The following KIF5C variants were observed in gnomAD, a reference collection of about 807,000 sequenced individuals.
KIF5C encodes the protein kinesin family member 5C, also known as kinesin heavy chain isoform 5C.
In KIF5C, 18 loss-of-function variants were observed where a neutral mutation model predicts 125.2. The ratio of observed to expected loss-of-function variants is 0.14; its 90% CI spans 0.10 to 0.21. The LOEUF is 0.21. Among genes scored for constraint, KIF5C ranks in the 10% least tolerant of loss-of-function variants. The probability of loss-of-function intolerance (pLI) is 1.00; values close to 1 mark genes in which losing one functional copy is unlikely to be tolerated. For missense variants in KIF5C, 780 were observed against 1,183.8 expected, an observed-to-expected ratio of 0.66 and a Z score of 5.01; for synonymous variants, 405 against 434.0, an observed-to-expected ratio of 0.93 and a Z score of 0.83.
intron 11 of KIF5C, among the ~76,000 whole-genome samples, chr2:148,965,792 CTA>C (rs1172725794): frequency 6.6e-6 from 1 of 152,168 alleles, no homozygotes; most frequent in African/African-American, 2.4e-5. Flanking sequence ...GGGCCTGACT[CTA>C]AAGTTCATTC....
intron 15 of KIF5C, among the ~76,000 whole-genome samples, chr2:148,986,416 G>C (rs1387388069): frequency 3.3e-5 from 5 of 152,100 alleles, no homozygotes; most frequent in African/African-American, 1.2e-4. Context: ...TAAGGGAGTA[G>C]TTGTATGACT....
At chr2:148,979,755 C>T (rs571011557) in intron 13 of KIF5C, among the ~76,000 whole-genome samples, 8 of 152,248 alleles carry the variant, frequency 5.3e-5, no homozygotes, top group Middle Eastern at 3.4e-3. Context: ...GCAAAGAGAA[C>T]GGGGCCCGAG....
intron 1 of KIF5C, among the ~76,000 whole-genome samples, chr2:148,884,971 G>GA (rs1336372213): frequency 9.6e-6 from 1 of 104,294 alleles, no homozygotes; most frequent in Non-Finnish European, 2.1e-5. Flanking sequence ...TGTCCTAATT[G>GA]TTTTTTTTTT....
At chr2:149,000,851 T>C (rs1681826478) in intron 21 of KIF5C, 69 bp downstream of exon 21, 1 of 1,597,758 alleles carries the variant, frequency 6.3e-7, no homozygotes, top group African/African-American at 1.3e-5. Context: ...TGTCGGATTA[T>C]TTCAAAATTT....
Position 149,026,510 on chromosome 2 carries a change from C to T in KIF5C, c.*3440C>T, listed in dbSNP as rs990642828. 3 of 152,430 alleles carry T rather than the reference C, an allele frequency of 2.0e-5. No individual in the cohort carries two copies. The highest frequency in any genetic ancestry group is 2.0e-4 in the Admixed American group (3 of 15,260). 9.4% of individuals were successfully genotyped at this position (152,430 alleles called of 1,614,324 possible). ...TGGGCTTTATGTATCTGTACAGTAG[C>T]TTTCACATTAAAAAAATTGTGGACA... On this transcript the variant is annotated 3_prime_UTR_variant, in exon 26 of 26. Transcript: ENST00000435030.
rs78366301 is a variant in KIF5C at position 148,968,456 on chromosome 2, C to T, written c.1118-4880C>T. 6.8e-3 allele frequency among the ~76,000 whole-genome samples: 1,039 copies of T among 152,300 alleles called. 17 individuals are homozygous for T. The highest frequency in any genetic ancestry group is 0.065 in the Middle Eastern group (19 of 294). The stretch of plus-strand genomic sequence containing the variant: ...TTAAATCTTCGAAGATGCTGGCTCC[C>T]TTCTTAGATCCATGATTATAATGGA... On this transcript the variant is annotated intron_variant, in intron 11 of 25. Transcript: ENST00000435030.
At chr2:149,022,316 A>T (rs1005733226) in intron 25 of KIF5C, among the ~76,000 whole-genome samples, 1 of 152,186 alleles carries the variant, frequency 6.6e-6, no homozygotes, top group Non-Finnish European at 1.5e-5. Context: ...GACTGTCAGG[A>T]CTAAATACTT....
intron 1 of KIF5C, among the ~76,000 whole-genome samples, chr2:148,899,366 C>T (rs1316475487): frequency 6.6e-6 from 1 of 152,094 alleles, no homozygotes; most frequent in African/African-American, 2.4e-5. Flanking sequence ...TTATTTTATT[C>T]TCTTAAATGA....
rs564371356 is a variant in KIF5C at position 148,964,251 on chromosome 2, G to C, written c.1117+2132G>C. 2.0e-5 allele frequency among the ~76,000 whole-genome samples: 3 copies of C among 150,862 alleles called. No homozygotes were observed. The South Asian group carries it at 6.3e-4, about 32-fold the overall frequency. The stretch of plus-strand genomic sequence containing the variant: ...GAACCCACCATTGTACTCCAGCCTG[G>C]GCAAAAAGAGCAAAACTCCATCTCA... On this transcript the variant is annotated intron_variant, in intron 11 of 25. Transcript: ENST00000435030.
At chr2:148,985,973 A>G (rs967891360) in intron 15 of KIF5C, among the ~76,000 whole-genome samples, 6 of 152,156 alleles carry the variant, frequency 3.9e-5, no homozygotes, top group Admixed American at 6.5e-5. Context: ...TTAAGCTTCA[A>G]TTTGGTGATT....
At position 148,981,474 on chromosome 2, in the gene KIF5C, G is replaced by A. The variant is rs1681234002; in HGVS notation, c.1482G>A (p.Leu494=). 6.2e-7 allele frequency: 1 copy of A among 1,608,310 alleles called. No homozygotes were observed. Among genetic ancestry groups the A allele is most frequent in the Non-Finnish European group, 8.5e-7 (1 of 1,177,346 alleles). The change falls in exon 14 of 26, where the codon CTG becomes CTA. Residue 494 remains leucine, a synonymous_variant. Coordinates refer to ENST00000435030, the MANE Select transcript of KIF5C (RefSeq NM_004522.3). ...VKEVLQALEE[L]AVNYDQKSQE... ...AAGTTCTCCAGGCCCTGGAGGAGCT[G>A]GCTGTCAATTATGACCAGAAATCAC...
intron 2 of KIF5C, among the ~76,000 whole-genome samples, chr2:148,927,014 G>C (rs991070088): frequency 1.3e-5 from 2 of 152,184 alleles, no homozygotes; most frequent in Non-Finnish European, 2.9e-5. Context: ...AAAAAATAGT[G>C]TTCAGTGACG....
chr2:148,981,657 G>A (rs1681240988), intron 14 of KIF5C, 96 bp downstream of exon 14: 23 of 1,455,890 alleles, frequency 1.6e-5, no homozygotes, highest in Non-Finnish European at 2.1e-5. Context: ...AGGAGGCAGT[G>A]GCTGAATAGT....
chr2:149,015,394 C>T (rs780765477), intron 25 of KIF5C, among the ~76,000 whole-genome samples: 5 of 152,118 alleles, frequency 3.3e-5, no homozygotes, highest in African/African-American at 1.2e-4. Flanking sequence ...CTTTTTGAGA[C>T]AGTCTTTCCT....
At chr2:148,888,379 G>A (rs1198815476) in intron 1 of KIF5C, 7 of 152,204 alleles carry the variant, frequency 4.6e-5, no homozygotes, top group Non-Finnish European at 2.9e-5. Context: ...TTCTAATGAG[G>A]TCCCTCTGCC....
intron 25 of KIF5C, among the ~76,000 whole-genome samples, chr2:149,015,050 G>C (rs183863494): frequency 6.6e-6 from 1 of 152,094 alleles, no homozygotes; most frequent in East Asian, 1.9e-4. Context: ...TTAGCTGGGC[G>C]TAGACATGCA....
chr2:148,879,640 A>G (rs936944104), intron 1 of KIF5C: 1 of 152,248 alleles, frequency 6.6e-6, no homozygotes, highest in Admixed American at 6.5e-5. Context: ...CATTTCTCAG[A>G]GTACTCCATT....
chr2:148,943,558 C>CT (rs1226301627), intron 7 of KIF5C, among the ~76,000 whole-genome samples: 3 of 152,150 alleles, frequency 2.0e-5, no homozygotes, highest in South Asian at 2.1e-4. Flanking sequence ...GGTGCTGACA[C>CT]TAAGAAAGAG....
chr2:148,881,719 CTAAATCATCGTGGTGATTT>C lies in KIF5C; in HGVS notation c.126+5977_126+5995del, dbSNP rs1558869813. Among the ~76,000 whole-genome samples, 125 of 151,718 alleles carry C rather than the reference CTAAATCATCGTGGTGATTT, an allele frequency of 8.2e-4. 4 individuals carry two copies. Among genetic ancestry groups the C allele is most frequent in the African/African-American group, 3.0e-3 (123 of 41,030 alleles). ...TTTGATTTCCCTTTAGTCCTTACCTCTAAATCATCGTGGTGATTTAGAGGGTGAACTCACTGGAATGGGG... is the reference window on the plus strand; with the variant it reads ...TTTGATTTCCCTTTAGTCCTTACCTCAGAGGGTGAACTCACTGGAATGGGG... On this transcript the variant is annotated intron_variant, in intron 1 of 25. Coordinates refer to ENST00000435030, the MANE Select transcript of KIF5C (RefSeq NM_004522.3).
Sources: allele counts gnomAD v4.1 joint callset (sites outside exome capture counted in the v4.1 genomes callset), GRCh38; gene constraint gnomAD v4.1.1; transcripts MANE v1.5; gene names NCBI Gene and HGNC (gene_info 2026-07-23, HGNC 2026-07-21).